SLC25A46: variants seen among roughly 807,000 people sequenced by gnomAD.
SLC25A46 encodes mitochondrial outer membrane protein SLC25A46.
SLC25A46 carries 39 observed loss-of-function variants against 44.6 expected under a neutral mutation model. The observed-to-expected ratio is 0.87, with a 90% confidence interval of 0.68 to 1.14. SLC25A46 has a LOEUF of 1.14. Among genes scored for constraint, SLC25A46 ranks in the 50% most tolerant of loss-of-function variants. SLC25A46 has a pLI of 0.00. For synonymous variants in SLC25A46, 202 were observed against 185.8 expected, an observed-to-expected ratio of 1.09 and a Z score of -0.71; for missense variants, 547 against 522.7, an observed-to-expected ratio of 1.05 and a Z score of -0.45.
intron 5 of SLC25A46, 21 bp from the exon 6 acceptor site, chr5:110,755,444 A>C: frequency 6.9e-7 from 1 of 1,450,178 alleles, no homozygotes; most frequent in South Asian, 1.2e-5. Context: ...TGTTTTATTT[A>C]AGTTTATTTT....
At chr5:110,748,352 G>T (rs1217412087) in intron 5 of SLC25A46, 89 bp downstream of exon 5, 3 of 988,562 alleles carry the variant, frequency 3.0e-6, no homozygotes, top group Admixed American at 1.8e-5. Context: ...TGTTACATGG[G>T]TATATTGTGT....
intron 5 of SLC25A46, among the ~76,000 whole-genome samples, chr5:110,751,605 A>T (rs1307024364): frequency 6.6e-6 from 1 of 152,202 alleles, no homozygotes; most frequent in Non-Finnish European, 1.5e-5. Flanking sequence ...ATTTGTTTTC[A>T]AAGGGTCATT....
At chr5:110,739,460 C>T in intron 1 of SLC25A46, 58 bp downstream of exon 1, 2 of 1,494,146 alleles carry the variant, frequency 1.3e-6, no homozygotes, top group Non-Finnish European at 1.8e-6. Flanking sequence ...CGGCTTGCGG[C>T]CTGCAGACCC....
At chr5:110,756,837 C>T (rs1800129551) in intron 7 of SLC25A46, 78 bp downstream of exon 7, 2 of 931,570 alleles carry the variant, frequency 2.1e-6, no homozygotes, top group Non-Finnish European at 3.0e-6. Flanking sequence ...AGATATCTAA[C>T]ATTTCAGCAG....
chr5:110,757,493 C>A (rs1024306564), intron 7 of SLC25A46, among the ~76,000 whole-genome samples: 1 of 152,042 alleles, frequency 6.6e-6, no homozygotes, highest in African/African-American at 2.4e-5. Context: ...ATGTGAGTGC[C>A]CTCTCTGTAA....
intron 5 of SLC25A46, chr5:110,755,238 C>A: frequency 3.0e-6 from 1 of 328,418 alleles, no homozygotes; most frequent in Non-Finnish European, 5.6e-6. Flanking sequence ...TGCTTCTCTG[C>A]CAGCCCCTTC....
Position 110,748,179 on chromosome 5 carries a change from G to A in SLC25A46, c.479G>A (p.Trp160Ter), listed in dbSNP as rs1561602892. Residue 160 changes from tryptophan to a stop codon, truncating the protein, a stop_gained, in exon 5 of 8, where the codon TGG becomes TAG. Coordinates refer to ENST00000355943, the MANE Select transcript of SLC25A46 (RefSeq NM_138773.4). LOFTEE classifies it high-confidence loss of function. ...FNKTQGPRAL[W>*]KGMGSTFIVQ... ...TCAATTTAGGGACCTAGAGCCCTGTGGAAAGGAATGGGAAGTACATTTATT... is the reference window on the plus strand; with the variant it reads ...TCAATTTAGGGACCTAGAGCCCTGTAGAAAGGAATGGGAAGTACATTTATT... 3.7e-6 allele frequency: 6 copies of A among 1,613,052 alleles called. No homozygotes were observed. Among genetic ancestry groups the A allele is most frequent in the Non-Finnish European group, 5.1e-6 (6 of 1,179,218 alleles).
Position 110,748,740 on chromosome 5 carries a change from A to G in SLC25A46, c.563+477A>G, listed in dbSNP as rs143744839. Reference sequence around the variant, plus strand: ...AATGAAGGAGACACATGTAAGCAAGAAGAGGTAACATGTCCAATGTCACGG... The same window carrying G: ...AATGAAGGAGACACATGTAAGCAAGGAGAGGTAACATGTCCAATGTCACGG... On this transcript the variant is annotated intron_variant, in intron 5 of 7. Coordinates refer to ENST00000355943, the MANE Select transcript of SLC25A46 (RefSeq NM_138773.4). Among the ~76,000 whole-genome samples the G allele has an allele frequency of 9.8e-3, 1,487 of 152,202 alleles. 32 individuals are homozygous for G. The highest frequency in any genetic ancestry group is 0.034 in the African/African-American group (1,395 of 41,540).
At chr5:110,745,571 C>T (rs1799796490) in intron 3 of SLC25A46, 1 of 152,112 alleles carries the variant, frequency 6.6e-6, no homozygotes, top group African/African-American at 2.4e-5. Context: ...CCCACTTTCT[C>T]TGTAAAGTAA....
intron 5 of SLC25A46, among the ~76,000 whole-genome samples, chr5:110,752,717 G>A (rs1799996996): frequency 1.3e-5 from 2 of 152,208 alleles, no homozygotes; most frequent in South Asian, 4.1e-4. Context: ...AAGATTTTAA[G>A]TTGGACTTTA....
intron 5 of SLC25A46, chr5:110,753,921 A>G (rs530957627): frequency 3.9e-5 from 6 of 152,308 alleles, no homozygotes; most frequent in African/African-American, 1.4e-4. Flanking sequence ...GATGATTTAC[A>G]AAGCATGTAA....
At position 110,762,755 on chromosome 5, in the gene SLC25A46, G is replaced by A. The variant is rs959319904; in HGVS notation, c.*973G>A. ...TTTTATTTCTGAATGGCTTGTCTGA[G>A]AGGAAACAAAATTAAAATTCATCTG... On this transcript the variant is annotated 3_prime_UTR_variant, in exon 8 of 8. Transcript: ENST00000355943. 8.6e-5 allele frequency: 13 copies of A among 151,844 alleles called. No individual in the cohort carries two copies. Among genetic ancestry groups the A allele is most frequent in the African/African-American group, 3.1e-4 (13 of 41,378 alleles). 9.4% of individuals were successfully genotyped at this position (151,844 alleles called of 1,614,324 possible). A position where few individuals can be genotyped will look rare whatever the true frequency, so the allele number is the denominator to read the frequency against.
chr5:110,761,366 G>A lies in SLC25A46; in HGVS notation c.841G>A (p.Val281Ile). 6.2e-7 allele frequency: 1 copy of A among 1,613,700 alleles called. No individual in the cohort carries two copies. Among genetic ancestry groups the A allele is most frequent in the East Asian group, 2.2e-5 (1 of 44,850 alleles). ...HGVLHYIISS[V>I]IQKFVLLILK... ...AGTTCTTCATTACATCATCAGCTCA[G>A]TTATTCAGAAGTTTGTCCTACTAAT... is the stretch of plus-strand genomic sequence containing the variant. The change falls in exon 8 of 8, where the codon GTT becomes ATT. Residue 281 changes from valine to isoleucine, a missense_variant. Physicochemically the swap from Val to Ile is conservative, Grantham distance 29. Coordinates refer to ENST00000355943, the MANE Select transcript of SLC25A46 (RefSeq NM_138773.4). The surrounding 1 kb of genome is among the most constrained non-coding windows in gnomAD (Gnocchi z 5.3).
At chr5:110,756,796 A>G (rs757209820) in intron 7 of SLC25A46, 37 bp downstream of exon 7, 23 of 1,460,124 alleles carry the variant, frequency 1.6e-5, no homozygotes, top group Non-Finnish European at 2.0e-5. Flanking sequence ...TTTTTATTTA[A>G]GAATAGTTTT....
chr5:110,746,148 T>G (rs1799812401), intron 3 of SLC25A46, 121 bp from the exon 4 acceptor site: 1 of 787,576 alleles, frequency 1.3e-6, no homozygotes, highest in Non-Finnish European at 2.1e-6. Context: ...TTATGTGTAA[T>G]TTATGTTGAC....
At position 110,761,144 on chromosome 5, in the gene SLC25A46, T is replaced by C; in HGVS notation, c.679-60T>C. 7.3e-7 allele frequency: 1 copy of C among 1,375,572 alleles called. No individual in the cohort carries two copies. Among genetic ancestry groups the C allele is most frequent in the East Asian group, 2.3e-5 (1 of 43,542 alleles). The allele number at this position is 1,375,572 out of a possible 1,614,324, so 85.2% of individuals were successfully genotyped here. Reference sequence around the variant, plus strand: ...TTTAAAAGGAACCTAAAAAGAGTCCTTTTTCTGTGGCAAAATAAGCAAATG... The same window carrying C: ...TTTAAAAGGAACCTAAAAAGAGTCCCTTTTCTGTGGCAAAATAAGCAAATG... On this transcript the variant is annotated intron_variant, in intron 7 of 7. Coordinates refer to ENST00000355943, the MANE Select transcript of SLC25A46 (RefSeq NM_138773.4). This position sits in a 1 kb window ranked among gnomAD's most constrained non-coding sequence, Gnocchi z 5.3.
intron 2 of SLC25A46, among the ~76,000 whole-genome samples, chr5:110,742,609 A>C (rs1378547110): frequency 6.6e-6 from 1 of 151,882 alleles, no homozygotes; most frequent in Non-Finnish European, 1.5e-5. Flanking sequence ...TGTTTCCCTT[A>C]CTTACCTGTT....
At chr5:110,743,992 G>A (rs1274967466) in intron 3 of SLC25A46, among the ~76,000 whole-genome samples, 3 of 152,090 alleles carry the variant, frequency 2.0e-5, no homozygotes, top group East Asian at 3.8e-4. Flanking sequence ...TCTATTGATA[G>A]TTACCATTTC....
At chr5:110,750,979 T>C (rs1338625314) in intron 5 of SLC25A46, among the ~76,000 whole-genome samples, 2 of 152,214 alleles carry the variant, frequency 1.3e-5, no homozygotes, top group Non-Finnish European at 2.9e-5. Flanking sequence ...TCTAACTTTC[T>C]TACTCAGTAG....
Sources: allele counts gnomAD v4.1 joint callset (sites outside exome capture counted in the v4.1 genomes callset), GRCh38; gene constraint gnomAD v4.1.1; non-coding constraint Gnocchi (gnomAD v3.1); transcripts MANE v1.5; gene names NCBI Gene and HGNC (gene_info 2026-07-23, HGNC 2026-07-21).